BRINP1: variants seen among roughly 807,000 people sequenced by gnomAD.
BRINP1 encodes the protein BMP/retinoic acid inducible neural specific 1.
In BRINP1, 17 loss-of-function variants were observed where a neutral mutation model predicts 72.9. That is an observed-to-expected ratio of 0.23 (90% confidence interval 0.16 to 0.35). BRINP1 has a LOEUF of 0.35. BRINP1 is among the 10% of genes least tolerant of loss of function. BRINP1 has a pLI of 1.00. For synonymous variants in BRINP1, 418 were observed against 378.5 expected (o/e 1.10, Z -1.21); for missense variants, 850 against 1,001.6 (o/e 0.85, Z 2.04).
chr9:119,205,133 T>A (rs1263269251), intron 7 of BRINP1, among the ~76,000 whole-genome samples: 1 of 152,134 alleles, frequency 6.6e-6, no homozygotes, highest in East Asian at 1.9e-4. Context: ...CCCTGCGGTG[T>A]GAGAAATACT....
At chr9:119,280,974 T>A (rs16908189) in intron 2 of BRINP1, among the ~76,000 whole-genome samples, 113 of 152,220 alleles carry the variant, frequency 7.4e-4, no homozygotes, top group Admixed American at 1.6e-3. Context: ...AGAGGTTTGA[T>A]TTTGCCCAAT....
intron 7 of BRINP1, among the ~76,000 whole-genome samples, chr9:119,203,330 T>C (rs1829823276): frequency 2.0e-5 from 3 of 152,174 alleles, no homozygotes; most frequent in Non-Finnish European, 4.4e-5. Context: ...CCCTAACCCA[T>C]AAATGATCCA....
At chr9:119,367,750 A>T in intron 1 of BRINP1, among the ~76,000 whole-genome samples, 1 of 152,300 alleles carries the variant, frequency 6.6e-6, no homozygotes, top group Middle Eastern at 3.4e-3. Flanking sequence ...TTACTGCCAC[A>T]TTCTGTCATG....
At chr9:119,302,107 G>A (rs1330630788) in intron 2 of BRINP1, among the ~76,000 whole-genome samples, 2 of 152,194 alleles carry the variant, frequency 1.3e-5, no homozygotes, top group African/African-American at 4.8e-5. Flanking sequence ...TATTTTAAGT[G>A]TTCAAGGCAA....
intron 1 of BRINP1, among the ~76,000 whole-genome samples, chr9:119,362,545 C>T (rs762915116): frequency 6.6e-6 from 1 of 152,090 alleles, no homozygotes. Flanking sequence ...ATCACCATAC[C>T]CCCCAAGTCA....
chr9:119,280,942 G>A (rs73661141), intron 2 of BRINP1, among the ~76,000 whole-genome samples: 6,084 of 152,300 alleles, frequency 0.04, 403 homozygotes, highest in African/African-American at 0.14. Flanking sequence ...TTGACAGATG[G>A]AGGAAATGTG....
intron 1 of BRINP1, among the ~76,000 whole-genome samples, chr9:119,316,603 G>A (rs1214500709): frequency 1.3e-5 from 2 of 151,950 alleles, no homozygotes; most frequent in African/African-American, 4.8e-5. Flanking sequence ...AATCTACTCT[G>A]CTTGTGATCT....
intron 4 of BRINP1, among the ~76,000 whole-genome samples, chr9:119,239,691 C>T (rs1007517040): frequency 6.6e-6 from 1 of 152,132 alleles, no homozygotes; most frequent in Non-Finnish European, 1.5e-5. Context: ...GCCTCAACTT[C>T]CCCATCTATA....
intron 1 of BRINP1, among the ~76,000 whole-genome samples, chr9:119,321,977 A>G (rs78734975): frequency 0.034 from 5,222 of 152,164 alleles, 321 homozygotes; most frequent in African/African-American, 0.12. Context: ...CCACATTTTT[A>G]TCAACAGCGT....
At chr9:119,347,697 G>T (rs1831464496) in intron 1 of BRINP1, among the ~76,000 whole-genome samples, 1 of 151,980 alleles carries the variant, frequency 6.6e-6, no homozygotes, top group Non-Finnish European at 1.5e-5. Flanking sequence ...AATATTTTCT[G>T]CAAGCCCCAA....
chr9:119,367,571 G>C (rs1436053240), intron 1 of BRINP1, among the ~76,000 whole-genome samples: 4 of 152,110 alleles, frequency 2.6e-5, no homozygotes, highest in Non-Finnish European at 5.9e-5. Context: ...AGCCAGGGTG[G>C]CCAAGGGACC....
intron 2 of BRINP1, among the ~76,000 whole-genome samples, chr9:119,306,888 T>C (rs1301478793): frequency 6.6e-6 from 1 of 152,198 alleles, no homozygotes; most frequent in Non-Finnish European, 1.5e-5. Context: ...ACATACACTC[T>C]AGGAATCCAG....
intron 1 of BRINP1, among the ~76,000 whole-genome samples, chr9:119,355,697 C>G (rs1008922590): frequency 1.5e-4 from 22 of 150,768 alleles, no homozygotes; most frequent in South Asian, 2.1e-4. Flanking sequence ...CCACTGCACT[C>G]CAGCCTGGGC....
chr9:119,184,105 C>A (rs979238918), intron 7 of BRINP1, among the ~76,000 whole-genome samples: 9 of 152,108 alleles, frequency 5.9e-5, no homozygotes, highest in Admixed American at 1.3e-4. Flanking sequence ...AAAGAAAAAA[C>A]CAAAAACAAC....
At chr9:119,252,089 T>C (rs1423347140) in intron 2 of BRINP1, among the ~76,000 whole-genome samples, 1 of 152,184 alleles carries the variant, frequency 6.6e-6, no homozygotes, top group Non-Finnish European at 1.5e-5. Flanking sequence ...GTCCATCTTT[T>C]CTTCCTCCCT....
intron 1 of BRINP1, among the ~76,000 whole-genome samples, chr9:119,337,333 C>T (rs1831357047): frequency 6.6e-6 from 1 of 152,126 alleles, no homozygotes; most frequent in Non-Finnish European, 1.5e-5. Context: ...AGGCACAGGT[C>T]CCAGTCTGGA....
intron 2 of BRINP1, among the ~76,000 whole-genome samples, chr9:119,251,995 T>C (rs962866222): frequency 1.3e-5 from 2 of 152,330 alleles, no homozygotes; most frequent in Admixed American, 1.3e-4. Context: ...TTTCTCTGTC[T>C]CTGTCTCTTT....
chr9:119,333,130 A>G (rs1206819699), intron 1 of BRINP1, among the ~76,000 whole-genome samples: 1 of 151,606 alleles, frequency 6.6e-6, no homozygotes, highest in Non-Finnish European at 1.5e-5. Context: ...TCTTTAATCT[A>G]GTGTGGCTTG....
At chr9:119,289,895 C>G (rs900270379) in intron 2 of BRINP1, among the ~76,000 whole-genome samples, 2 of 152,124 alleles carry the variant, frequency 1.3e-5, no homozygotes, top group Non-Finnish European at 2.9e-5. Context: ...GTCCCTAGTC[C>G]GAGTCATTAT....
Sources: gnomAD v4.1 joint callset for allele counts (sites outside exome capture counted in the v4.1 genomes callset) on GRCh38, gnomAD v4.1.1 for gene constraint, MANE v1.5 for transcripts, NCBI Gene and HGNC (gene_info 2026-07-23, HGNC 2026-07-21) for gene names.